The following RABGAP1 variants were observed in gnomAD, a reference collection of about 807,000 sequenced individuals.
RABGAP1 encodes rab GTPase-activating protein 1.
In RABGAP1, 23 loss-of-function variants were observed where a neutral mutation model predicts 137.6. The observed-to-expected ratio is 0.17, with a 90% CI of 0.12 to 0.24. The LOEUF is 0.24. Among genes scored for constraint, RABGAP1 ranks in the 10% least tolerant of loss-of-function variants. RABGAP1 has a pLI of 1.00. For synonymous variants in RABGAP1, 451 were observed against 450.7 expected (o/e 1.00, Z -0.01); for missense variants, 906 against 1,275.8 (o/e 0.71, Z 4.42).
chr9:123,059,206 A>G (rs2033866927), intron 13 of RABGAP1, among the ~76,000 whole-genome samples: 1 of 152,194 alleles, frequency 6.6e-6, no homozygotes, highest in Non-Finnish European at 1.5e-5. Flanking sequence ...AAAGAGATAA[A>G]GGAAGATCAG....
At chr9:123,037,949 A>G (rs2032752456) in intron 13 of RABGAP1, among the ~76,000 whole-genome samples, 2 of 152,208 alleles carry the variant, frequency 1.3e-5, no homozygotes, top group South Asian at 2.1e-4. Context: ...TTGGCGGGAT[A>G]GCTCATTTAA....
At chr9:123,080,237 G>T (rs1333369469) in intron 19 of RABGAP1, among the ~76,000 whole-genome samples, 4 of 152,124 alleles carry the variant, frequency 2.6e-5, no homozygotes, top group African/African-American at 9.7e-5. Flanking sequence ...GCTGCCTTCA[G>T]TGTGTCTGCA....
At chr9:122,970,926 C>T (rs1198710144) in intron 2 of RABGAP1, among the ~76,000 whole-genome samples, 1 of 152,188 alleles carries the variant, frequency 6.6e-6, no homozygotes, top group Non-Finnish European at 1.5e-5. Flanking sequence ...TAATGACAGT[C>T]TTCAAGGAAC....
At chr9:123,015,739 A>T in intron 12 of RABGAP1, 103 bp downstream of exon 12, 1 of 680,560 alleles carries the variant, frequency 1.5e-6, no homozygotes, top group South Asian at 2.1e-5. Context: ...TAGAAACCTA[A>T]GCGCAATGTT....
At chr9:122,960,733 T>C (rs1348451699) in intron 2 of RABGAP1, among the ~76,000 whole-genome samples, 4 of 152,214 alleles carry the variant, frequency 2.6e-5, no homozygotes, top group Non-Finnish European at 5.9e-5. Context: ...AAGGTAGCTA[T>C]TATTAATATA....
chr9:123,031,291 C>G (rs1021097458), intron 13 of RABGAP1, among the ~76,000 whole-genome samples: 5 of 152,120 alleles, frequency 3.3e-5, no homozygotes, highest in Admixed American at 6.6e-5. Flanking sequence ...TCAAAAATCA[C>G]TCCTTTATTC....
At position 122,945,163 on chromosome 9, in the gene RABGAP1, T is replaced by C. The variant is rs1005132945; in HGVS notation, c.-50+4070T>C. Reference sequence around the variant, plus strand: ...TAGCTGTTGCTTTTTTTTTTTTTTTTAGCATAAACTGGTTACCTAGTCATC... The same window carrying C: ...TAGCTGTTGCTTTTTTTTTTTTTTTCAGCATAAACTGGTTACCTAGTCATC... On this transcript the variant is annotated intron_variant, in intron 1 of 25. Transcript: ENST00000373647. 2.1e-5 allele frequency among the ~76,000 whole-genome samples: 3 copies of C among 144,132 alleles called. 1 individual carries two copies. Among genetic ancestry groups the C allele is most frequent in the African/African-American group, 7.7e-5 (3 of 39,042 alleles). 94.6% of individuals were successfully genotyped at this position (144,132 alleles called of 152,430 possible).
At chr9:123,091,915 G>A (rs187170733) in intron 21 of RABGAP1, among the ~76,000 whole-genome samples, 9 of 152,150 alleles carry the variant, frequency 5.9e-5, no homozygotes, top group East Asian at 1.9e-4. Flanking sequence ...CTCCCTGTTC[G>A]GGTATTTCTG....
At chr9:123,037,336 A>G (rs1410487858) in intron 13 of RABGAP1, among the ~76,000 whole-genome samples, 1 of 152,220 alleles carries the variant, frequency 6.6e-6, no homozygotes, top group Non-Finnish European at 1.5e-5. Context: ...GCATTACATA[A>G]ACATTCAAAC....
chr9:122,942,209 ATTGTGT>A (rs1237139092), intron 1 of RABGAP1, among the ~76,000 whole-genome samples: 1 of 152,242 alleles, frequency 6.6e-6, no homozygotes, highest in Non-Finnish European at 1.5e-5. Context: ...GGTGAATGGA[ATTGTGT>A]TTGTAACATT....
At chr9:123,018,138 G>C (rs952798349) in intron 12 of RABGAP1, among the ~76,000 whole-genome samples, 1 of 152,154 alleles carries the variant, frequency 6.6e-6, no homozygotes, top group Non-Finnish European at 1.5e-5. Flanking sequence ...GGGACTACAG[G>C]TGCCCGCCAC....
At chr9:122,942,262 T>G (rs1361548598) in intron 1 of RABGAP1, among the ~76,000 whole-genome samples, 1 of 152,202 alleles carries the variant, frequency 6.6e-6, no homozygotes, top group East Asian at 1.9e-4. Context: ...AAAAAAAGCT[T>G]AGGTACTAAG....
intron 12 of RABGAP1, 108 bp from the exon 13 acceptor site, chr9:123,020,201 A>C (rs2031534885): frequency 2.0e-6 from 2 of 1,003,094 alleles, no homozygotes; most frequent in South Asian, 6.4e-5. Flanking sequence ...TTACTTTGTT[A>C]CCTTGTCACG....
intron 13 of RABGAP1, among the ~76,000 whole-genome samples, chr9:123,024,003 G>A (rs1335381152): frequency 1.3e-5 from 2 of 151,992 alleles, no homozygotes; most frequent in African/African-American, 2.4e-5. Context: ...TCATCATCTT[G>A]CATTAGTTGT....
At chr9:122,936,497 A>C (rs1323457591), upstream of RABGAP1, among the ~76,000 whole-genome samples, 2 of 152,176 alleles carry the variant, frequency 1.3e-5, no homozygotes, top group Non-Finnish European at 2.9e-5. Flanking sequence ...GGTTAATTTC[A>C]GTCTCTGTCA....
chr9:123,071,502 G>T (rs1390353354), intron 15 of RABGAP1: 1 of 152,206 alleles, frequency 6.6e-6, no homozygotes, highest in African/African-American at 2.4e-5. Flanking sequence ...AAGATCAGAG[G>T]TAAATAAGAG....
chr9:123,073,966 A>G (rs1037704830), intron 16 of RABGAP1, among the ~76,000 whole-genome samples: 1 of 152,218 alleles, frequency 6.6e-6, no homozygotes, highest in African/African-American at 2.4e-5. Flanking sequence ...AAGGCTCTGA[A>G]GCTGACTGGT....
chr9:123,057,381 C>A lies in RABGAP1; in HGVS notation c.1795-7967C>A, dbSNP rs552926391. The stretch of plus-strand genomic sequence containing the variant: ...GCTCCTCACCTCCCAGACGGGGTTG[C>A]GGCCGGGCAGAGGTGCTCCTCACAT... On this transcript the variant is annotated intron_variant, in intron 13 of 25. Coordinates refer to ENST00000373647, the MANE Select transcript of RABGAP1 (RefSeq NM_012197.4). Among the ~76,000 whole-genome samples, 25 of 145,474 alleles carry A rather than the reference C, an allele frequency of 1.7e-4. No homozygotes were observed. In the East Asian group the frequency reaches 5.4e-3, roughly 32 times the overall value.
At position 123,104,559 on chromosome 9, in the gene RABGAP1, G is replaced by C. The variant is rs906039138; in HGVS notation, c.*1346G>C. 1 of 152,502 alleles carries C rather than the reference G, an allele frequency of 6.6e-6. No individual in the cohort carries two copies. The highest frequency in any genetic ancestry group is 1.5e-5 in the Non-Finnish European group (1 of 68,030). The allele number at this position is 152,502 out of a possible 1,614,324, so 9.4% of individuals were successfully genotyped here. ...ACTGGTTTTGTATATAAAGACACTCGGGTTGTTTTGTAGCTCTTTTTCTTA... is the reference window on the plus strand; with the variant it reads ...ACTGGTTTTGTATATAAAGACACTCCGGTTGTTTTGTAGCTCTTTTTCTTA... On this transcript the variant is annotated 3_prime_UTR_variant, in exon 26 of 26. Transcript: ENST00000373647.
Sources: allele counts gnomAD v4.1 joint callset (sites outside exome capture counted in the v4.1 genomes callset), GRCh38; gene constraint gnomAD v4.1.1; transcripts MANE v1.5; gene names NCBI Gene and HGNC (gene_info 2026-07-23, HGNC 2026-07-21).